Variants in CDH12 observed in about 807,000 individuals in gnomAD.
CDH12 encodes the protein cadherin 12.
Under a neutral mutation model 74.1 loss-of-function variants are expected in CDH12, and 41 were observed. The ratio of observed to expected loss-of-function variants is 0.55; its 90% CI spans 0.43 to 0.72. CDH12 has a LOEUF of 0.72. CDH12 is among the 30% of genes least tolerant of loss of function. CDH12 has a pLI of 0.00. For synonymous variants in CDH12, 399 were observed against 355.0 expected (o/e 1.12, Z -1.39); for missense variants, 945 against 977.2 (o/e 0.97, Z 0.44).
intron 1 of CDH12, among the ~76,000 whole-genome samples, chr5:22,721,629 T>A (rs1743895200): frequency 6.6e-6 from 1 of 152,138 alleles, no homozygotes; most frequent in Non-Finnish European, 1.5e-5. Context: ...TGTAAGGACA[T>A]GAGATTTGAG....
chr5:21,785,510 G>A (rs993956165), intron 10 of CDH12, among the ~76,000 whole-genome samples: 1 of 152,182 alleles, frequency 6.6e-6, no homozygotes, highest in African/African-American at 2.4e-5. Flanking sequence ...GTCCTTGAAG[G>A]AAATTGAAAG....
At position 22,505,308 on chromosome 5, in the gene CDH12, T is replaced by C. The variant is rs1736337521; in HGVS notation, c.-466A>G. On this transcript the variant is annotated 5_prime_UTR_variant, in exon 2 of 15. Coordinates refer to ENST00000382254, the MANE Select transcript of CDH12 (RefSeq NM_004061.5). The stretch of plus-strand genomic sequence containing the variant: ...GGCATTCTTTAAAACTCCCAACTGC[T>C]CCTGGGTTCCAGCTTGTCTATATTT... 1.0e-6 allele frequency: 1 copy of C among 985,108 alleles called. No individual in the cohort carries two copies. The highest frequency in any genetic ancestry group is 1.1e-4 in the East Asian group (1 of 8,806). 61.0% of individuals were successfully genotyped at this position (985,108 alleles called of 1,614,324 possible).
chr5:22,637,219 C>T (rs1418041676), intron 1 of CDH12, among the ~76,000 whole-genome samples: 5 of 152,178 alleles, frequency 3.3e-5, no homozygotes, highest in Non-Finnish European at 5.9e-5. Context: ...ATATTAAAAT[C>T]GCACAATGTA....
intron 1 of CDH12, among the ~76,000 whole-genome samples, chr5:22,747,605 G>GA (rs1553998130): frequency 4.4e-5 from 2 of 45,518 alleles, no homozygotes; most frequent in African/African-American, 6.9e-5. Context: ...GTGAGACGCT[G>GA]CCAAAAAAAA....
chr5:22,808,597 TTTC>T (rs1380704004), intron 1 of CDH12, among the ~76,000 whole-genome samples: 6 of 149,148 alleles, frequency 4.0e-5, no homozygotes, highest in African/African-American at 1.5e-4. Flanking sequence ...TTTCTTTTCT[TTTC>T]TTGTCTTTTT....
intron 10 of CDH12, among the ~76,000 whole-genome samples, chr5:21,785,449 A>G (rs531560807): frequency 1.3e-5 from 2 of 152,358 alleles, no homozygotes; most frequent in Admixed American, 1.3e-4. Flanking sequence ...AAGATAGTCC[A>G]AAAGCTAGGC....
intron 3 of CDH12, among the ~76,000 whole-genome samples, chr5:22,303,307 A>G (rs371697484): frequency 1.3e-5 from 2 of 152,128 alleles, no homozygotes; most frequent in East Asian, 3.8e-4. Flanking sequence ...TTCAATAAAA[A>G]CATGTCACAT....
chr5:22,793,173 C>T (rs992085852), intron 1 of CDH12, among the ~76,000 whole-genome samples: 10 of 152,302 alleles, frequency 6.6e-5, no homozygotes, highest in African/African-American at 2.4e-4. Flanking sequence ...GGAAAACCTG[C>T]AATCTCTCCA....
At chr5:22,460,691 G>C (rs1745464390) in intron 2 of CDH12, among the ~76,000 whole-genome samples, 1 of 138,880 alleles carries the variant, frequency 7.2e-6, no homozygotes, top group Non-Finnish European at 1.5e-5. Context: ...CTTTTCTAGA[G>C]AACAGTTGAT....
intron 5 of CDH12, among the ~76,000 whole-genome samples, chr5:22,012,672 CA>C (rs1315462184): frequency 1.3e-5 from 2 of 151,136 alleles, no homozygotes; most frequent in Admixed American, 1.3e-4. Context: ...AGTTATATAA[CA>C]TTCAAAAATA....
chr5:22,533,485 T>C (rs1334382479), intron 1 of CDH12, among the ~76,000 whole-genome samples: 2 of 152,230 alleles, frequency 1.3e-5, no homozygotes, highest in Admixed American at 1.3e-4. Context: ...ACTTGCTACT[T>C]GACCTTGAAT....
rs181537455 is a variant in CDH12 at position 21,994,741 on chromosome 5, G to T, written c.232-19356C>A. 2.0e-5 allele frequency among the ~76,000 whole-genome samples: 3 copies of T among 152,272 alleles called. No individual in the cohort carries two copies. The East Asian group carries it at 5.8e-4, about 30-fold the overall frequency. ...GGCTTCTGGTCTGGTGAGACTTGGAGAACTTTTCTGTCTAGCTAAACGATT... is the reference window on the plus strand; with the variant it reads ...GGCTTCTGGTCTGGTGAGACTTGGATAACTTTTCTGTCTAGCTAAACGATT... On this transcript the variant is annotated intron_variant, in intron 5 of 14. Transcript: ENST00000382254.
At chr5:22,693,224 G>C (rs1361234529) in intron 1 of CDH12, among the ~76,000 whole-genome samples, 5 of 152,094 alleles carry the variant, frequency 3.3e-5, no homozygotes, top group Non-Finnish European at 5.9e-5. Flanking sequence ...ATTGGCAAGG[G>C]AAAAGTCATT....
chr5:22,247,672 C>CAA lies in CDH12; in HGVS notation c.-332-35031_-332-35030dup, dbSNP rs11455543. On this transcript the variant is annotated intron_variant, in intron 3 of 14. Transcript: ENST00000382254. Reference sequence around the variant, plus strand: ...CCTGGGCGACAGAGTGAGACTCCGTCAAAAAAAAAGAAAAGAAAAGAAAAG... The same window carrying CAA: ...CCTGGGCGACAGAGTGAGACTCCGTCAAAAAAAAAAAGAAAAGAAAAGAAAAG... Among the ~76,000 whole-genome samples the CAA allele has an allele frequency of 1.8e-3, 271 of 151,106 alleles. 1 individual carries two copies. Among genetic ancestry groups the CAA allele is most frequent in the African/African-American group, 5.2e-3 (215 of 41,270 alleles).
rs1254088080 is a variant in CDH12, at chr5:21,830,563, A to G, written c.814+11598T>C. On this transcript the variant is annotated intron_variant, in intron 8 of 14. Coordinates refer to ENST00000382254, the MANE Select transcript of CDH12 (RefSeq NM_004061.5). The stretch of plus-strand genomic sequence containing the variant: ...TATAAAATGGAATTATCTCTGGCAC[A>G]TGAGTATAGCTGATCACTCTATTTA... Among the ~76,000 whole-genome samples the G allele has an allele frequency of 2.0e-5, 3 of 152,154 alleles. No homozygotes were observed. In the South Asian group the frequency reaches 6.2e-4, roughly 32 times the overall value.
intron 2 of CDH12, among the ~76,000 whole-genome samples, chr5:22,449,710 G>A (rs955438848): frequency 1.8e-4 from 28 of 152,018 alleles, no homozygotes; most frequent in Non-Finnish European, 2.8e-4. Context: ...ATATCAGAAC[G>A]GTTAAATAGA....
chr5:22,432,111 C>T (rs905138892), intron 2 of CDH12, among the ~76,000 whole-genome samples: 3 of 151,902 alleles, frequency 2.0e-5, no homozygotes, highest in Non-Finnish European at 4.4e-5. Flanking sequence ...ACAATAAGTG[C>T]GGTATTGAAG....
intron 5 of CDH12, among the ~76,000 whole-genome samples, chr5:22,030,612 T>G (rs1738751892): frequency 6.6e-6 from 1 of 152,116 alleles, no homozygotes; most frequent in South Asian, 2.1e-4. Flanking sequence ...GGCCCTAGGA[T>G]TTTCAGAAAG....
At chr5:21,794,174 G>A (rs539717513) in intron 10 of CDH12, among the ~76,000 whole-genome samples, 3 of 151,694 alleles carry the variant, frequency 2.0e-5, no homozygotes, top group Admixed American at 6.6e-5. Flanking sequence ...ATACACCTGG[G>A]TGTTCTGGCA....
Sources: gnomAD v4.1 joint callset for allele counts (sites outside exome capture counted in the v4.1 genomes callset) on GRCh38, gnomAD v4.1.1 for gene constraint, MANE v1.5 for transcripts, NCBI Gene and HGNC (gene_info 2026-07-23, HGNC 2026-07-21) for gene names.